Variants in TIAM2 observed in about 807,000 individuals in gnomAD.
TIAM2 encodes the protein TIAM Rac1 associated GEF 2, also known as rho guanine nucleotide exchange factor TIAM2.
A neutral mutation model predicts 152.9 loss-of-function variants in TIAM2; 80 were observed. The ratio of observed to expected loss-of-function variants is 0.52; its 90% CI spans 0.44 to 0.63. TIAM2 has a LOEUF of 0.63. Among genes scored for constraint, TIAM2 ranks in the 30% least tolerant of loss-of-function variants. The pLI is 0.00. For synonymous variants in TIAM2, 804 were observed against 838.0 expected (o/e 0.96, Z 0.70); for missense variants, 1,965 against 2,120.1 (o/e 0.93, Z 1.44).
Position 155,241,317 on chromosome 6 carries a change from G to A in TIAM2, c.3348+608G>A, listed in dbSNP as rs1004964394. Among the ~76,000 whole-genome samples, 228 of 152,220 alleles carry A rather than the reference G, an allele frequency of 1.5e-3. 1 individual carries two copies. The highest frequency in any genetic ancestry group is 1.7e-3 in the Non-Finnish European group (118 of 68,040). Reference sequence around the variant, plus strand: ...TATGAAGAATACTGGAGCCTGGGGAGCAGAGTTCTTTTGCTTTGTTTCCTG... The same window carrying A: ...TATGAAGAATACTGGAGCCTGGGGAACAGAGTTCTTTTGCTTTGTTTCCTG... On this transcript the variant is annotated intron_variant, in intron 16 of 26. Coordinates refer to ENST00000682666, the MANE Select transcript of TIAM2 (RefSeq NM_012454.4).
chr6:155,182,296 C>T lies in TIAM2; in HGVS notation c.2778C>T (p.Pro926=), dbSNP rs59134422. 3.8e-3 allele frequency: 6,159 copies of T among 1,614,110 alleles called. 193 individuals are homozygous for T. In the African/African-American group the frequency reaches 0.068, roughly 18 times the overall value. Residue 926 remains proline (P), a synonymous_variant, in exon 13 of 27, where the codon CCC becomes CCT. Coordinates refer to ENST00000682666, the MANE Select transcript of TIAM2 (RefSeq NM_012454.4). ...LSRIFISDVL[P]DGLAYGEGLR... is the part of the protein sequence containing the mutation. ...GGATATTTATAAGCGACGTTCTTCC[C>T]GATGGCCTGGCGTATGGGGAAGGTC...
chr6:155,045,073 C>T (rs184327377), intron 1 of TIAM2, among the ~76,000 whole-genome samples: 1,458 of 123,744 alleles, frequency 0.012, 35 homozygotes, highest in African/African-American at 0.043. Context: ...TTTTTTGAGA[C>T]AGAGTCTAGC....
chr6:155,135,672 G>A (rs1779538611), intron 4 of TIAM2, among the ~76,000 whole-genome samples: 1 of 152,160 alleles, frequency 6.6e-6, no homozygotes, highest in Non-Finnish European at 1.5e-5. Flanking sequence ...CCAGCTTGAT[G>A]TTCAATGCAC....
intron 1 of TIAM2, among the ~76,000 whole-genome samples, chr6:155,007,397 T>TC (rs1778420029): frequency 6.6e-6 from 1 of 151,428 alleles, no homozygotes; most frequent in Admixed American, 6.6e-5. Flanking sequence ...TTCTTTTTTT[T>TC]TTTTTGAGAG....
intron 26 of TIAM2, chr6:155,255,116 G>C (rs1000115020): frequency 1.3e-5 from 2 of 153,346 alleles, no homozygotes; most frequent in African/African-American, 4.8e-5. Context: ...TTATAAAACA[G>C]GCCTTGTGTT....
At chr6:155,037,728 A>G (rs1180091402) in intron 1 of TIAM2, among the ~76,000 whole-genome samples, 1 of 151,930 alleles carries the variant, frequency 6.6e-6, no homozygotes. Context: ...TGGGGTTTTG[A>G]CATGTAGGCC....
At chr6:155,088,383 G>A (rs1441306416) in intron 1 of TIAM2, among the ~76,000 whole-genome samples, 2 of 152,080 alleles carry the variant, frequency 1.3e-5, no homozygotes, top group East Asian at 1.9e-4. Flanking sequence ...ACCCGGCCCC[G>A]GTATAGGTGT....
intron 26 of TIAM2, chr6:155,255,646 T>C (rs567028604): frequency 2.0e-5 from 3 of 151,346 alleles, no homozygotes; most frequent in African/African-American, 7.3e-5. Context: ...ACCTATAACA[T>C]AAAATTTCAG....
chr6:155,235,385 C>T lies in TIAM2; in HGVS notation c.3169-5145C>T, dbSNP rs76634403. On this transcript the variant is annotated intron_variant, in intron 15 of 26. Transcript: ENST00000682666. ...GCTGGGGGTTGAGCCTGGACTGCAGCCCAGGCCTTCTGACTCTCATCTGTG... is the reference window on the plus strand; with the variant it reads ...GCTGGGGGTTGAGCCTGGACTGCAGTCCAGGCCTTCTGACTCTCATCTGTG... Among the ~76,000 whole-genome samples, 892 of 152,294 alleles carry T rather than the reference C, an allele frequency of 5.9e-3. 12 individuals carry two copies. The highest frequency in any genetic ancestry group is 0.02 in the African/African-American group (846 of 41,570).
chr6:155,208,939 A>G (rs560077206), intron 14 of TIAM2, among the ~76,000 whole-genome samples: 1 of 151,572 alleles, frequency 6.6e-6, no homozygotes, highest in Admixed American at 6.6e-5. Flanking sequence ...ATTGGCCTTT[A>G]CTCAGGACAC....
At position 155,254,412 on chromosome 6, in the gene TIAM2, C is replaced by T. The variant is rs1331213; in HGVS notation, c.4314-7C>T. ...ACTTCTGCTGTTTTCTCTCCCCCCCCACCCAGTGACAGTGAAAGCAAAACC... is the reference window on the plus strand; with the variant it reads ...ACTTCTGCTGTTTTCTCTCCCCCCCTACCCAGTGACAGTGAAAGCAAAACC... On this transcript the variant is annotated splice_polypyrimidine_tract_variant and splice_region_variant and intron_variant, in intron 25 of 26. Transcript: ENST00000682666. 15 of 1,609,736 alleles carry T rather than the reference C, an allele frequency of 9.3e-6. No homozygotes were observed. Among genetic ancestry groups the T allele is most frequent in the African/African-American group, 2.7e-5 (2 of 74,770 alleles).
At chr6:155,019,118 T>C (rs937909347) in intron 1 of TIAM2, among the ~76,000 whole-genome samples, 2 of 150,832 alleles carry the variant, frequency 1.3e-5, no homozygotes, top group Non-Finnish European at 3.0e-5. Context: ...GGCAGATCAC[T>C]TGAGGTCAGG....
intron 1 of TIAM2, among the ~76,000 whole-genome samples, chr6:155,055,261 A>G (rs937532635): frequency 1.3e-5 from 2 of 152,214 alleles, no homozygotes; most frequent in Non-Finnish European, 2.9e-5. Flanking sequence ...ACCATACTAT[A>G]ACAGCAGTTT....
intron 1 of TIAM2, among the ~76,000 whole-genome samples, chr6:155,051,271 A>G (rs1344331947): frequency 6.6e-6 from 1 of 152,180 alleles, no homozygotes; most frequent in Non-Finnish European, 1.5e-5. Flanking sequence ...CACAGCGCGT[A>G]ATGGAAAGGG....
intron 1 of TIAM2, among the ~76,000 whole-genome samples, chr6:155,041,895 T>A (rs1777054370): frequency 6.6e-6 from 1 of 152,220 alleles, no homozygotes; most frequent in South Asian, 2.1e-4. Flanking sequence ...ACCTACTTGC[T>A]TTCAGATAAA....
intron 7 of TIAM2, among the ~76,000 whole-genome samples, chr6:155,152,902 A>G (rs1450030859): frequency 2.6e-5 from 4 of 152,126 alleles, no homozygotes. Context: ...ATGTAATTGT[A>G]TTCCCTTGTC....
chr6:155,191,133 A>G (rs534947818), intron 14 of TIAM2, among the ~76,000 whole-genome samples: 1 of 152,256 alleles, frequency 6.6e-6, no homozygotes, highest in Non-Finnish European at 1.5e-5. Flanking sequence ...AGAAGGGTAA[A>G]CGGTGACAGC....
intron 1 of TIAM2, among the ~76,000 whole-genome samples, chr6:155,043,773 A>G (rs1392974166): frequency 6.6e-6 from 1 of 151,812 alleles, no homozygotes; most frequent in Non-Finnish European, 1.5e-5. Flanking sequence ...TTCAGTTTTC[A>G]GAAGAATCTG....
chr6:155,199,153 G>GC (rs1425669503), intron 14 of TIAM2, among the ~76,000 whole-genome samples: 1 of 151,728 alleles, frequency 6.6e-6, no homozygotes, highest in East Asian at 1.9e-4. Context: ...TCGGTTCACT[G>GC]CAACCTCTGC....
Sources: gnomAD v4.1 joint callset for allele counts (sites outside exome capture counted in the v4.1 genomes callset) on GRCh38, gnomAD v4.1.1 for gene constraint, MANE v1.5 for transcripts, NCBI Gene and HGNC (gene_info 2026-07-23, HGNC 2026-07-21) for gene names.